SDC4: variants seen among roughly 807,000 people sequenced by gnomAD.
SDC4 encodes the protein syndecan 4.
SDC4 carries 17 observed loss-of-function variants against 20.5 expected under a neutral mutation model. The observed-to-expected ratio is 0.83, with a 90% confidence interval of 0.57 to 1.25. The LOEUF is 1.25. Ranked by LOEUF, SDC4 falls within the 50% of genes most tolerant of loss-of-function variation. The probability of loss-of-function intolerance (pLI) is 0.00; values close to 1 mark genes in which losing one functional copy is unlikely to be tolerated. For synonymous variants in SDC4, 107 were observed against 105.3 expected, an observed-to-expected ratio of 1.02 and a Z score of -0.10; for missense variants, 241 against 252.3, an observed-to-expected ratio of 0.96 and a Z score of 0.30.
At chr20:45,340,405 T>A (rs2145715407) in intron 1 of SDC4, among the ~76,000 whole-genome samples, 2 of 152,298 alleles carry the variant, frequency 1.3e-5, no homozygotes, top group Admixed American at 1.3e-4. Flanking sequence ...AGAGCTGGGA[T>A]TCAAATCCAG....
At chr20:45,345,472 G>A (rs2743390) in intron 1 of SDC4, 1 of 152,104 alleles carries the variant, frequency 6.6e-6, no homozygotes, top group East Asian at 1.9e-4. Context: ...AAATATTTTC[G>A]TGGGTGTTTG....
chr20:45,340,451 C>T (rs1568907966), intron 1 of SDC4, among the ~76,000 whole-genome samples: 1 of 152,220 alleles, frequency 6.6e-6, no homozygotes, highest in Non-Finnish European at 1.5e-5. Flanking sequence ...CACAACTAGG[C>T]TTCTCACTGC....
At chr20:45,345,974 G>A (rs555982998) in intron 1 of SDC4, among the ~76,000 whole-genome samples, 1 of 152,210 alleles carries the variant, frequency 6.6e-6, no homozygotes, top group East Asian at 1.9e-4. Flanking sequence ...AGAGATCCTG[G>A]GGTCCTGGAT....
chr20:45,327,148 C>A lies in SDC4; in HGVS notation c.*116G>T. The A allele has an allele frequency of 2.9e-6, 3 of 1,041,858 alleles. No individual in the cohort carries two copies. Among genetic ancestry groups the A allele is most frequent in the Non-Finnish European group, 4.3e-6 (3 of 692,844 alleles). The allele number at this position is 1,041,858 out of a possible 1,614,324, so 64.5% of individuals were successfully genotyped here. A position where few individuals can be genotyped will look rare whatever the true frequency, so the allele number is the denominator to read the frequency against. ...CTGAACACTTCAAAGGTAATCAGAG[C>A]TGGAGATACTGACAAGTCAGTATTA... is the stretch of plus-strand genomic sequence containing the variant. On this transcript the variant is annotated 3_prime_UTR_variant, in exon 5 of 5. Coordinates refer to ENST00000372733, the MANE Select transcript of SDC4 (RefSeq NM_002999.4).
intron 4 of SDC4, among the ~76,000 whole-genome samples, chr20:45,329,741 T>C (rs546558327): frequency 1.3e-3 from 199 of 151,402 alleles, no homozygotes; most frequent in Admixed American, 2.4e-3. Context: ...TCCATCCCTT[T>C]TGTCAACACC....
At chr20:45,342,136 G>A (rs563274015) in intron 1 of SDC4, among the ~76,000 whole-genome samples, 1 of 152,316 alleles carries the variant, frequency 6.6e-6, no homozygotes, top group African/African-American at 2.4e-5. Context: ...GGGCTAGGGA[G>A]GCTCTCGGGA....
At chr20:45,339,161 T>C (rs1987918482) in intron 1 of SDC4, among the ~76,000 whole-genome samples, 1 of 152,186 alleles carries the variant, frequency 6.6e-6, no homozygotes, top group South Asian at 2.1e-4. Flanking sequence ...CACTCTTTTT[T>C]GTGTAAAGGT....
At chr20:45,336,016 A>C in intron 1 of SDC4, 96 bp from the exon 2 acceptor site, 1 of 1,397,784 alleles carries the variant, frequency 7.2e-7, no homozygotes, top group Non-Finnish European at 9.8e-7. Context: ...AGAAACTAGA[A>C]AGAGACCAGG....
intron 2 of SDC4, 86 bp from the exon 3 acceptor site, chr20:45,333,155 T>C (rs1355498247): frequency 5.0e-6 from 6 of 1,209,374 alleles, no homozygotes; most frequent in Non-Finnish European, 7.4e-6. Flanking sequence ...AGCTCCACCT[T>C]ACAACCAGCT....
chr20:45,342,439 A>G (rs772425756), intron 1 of SDC4, among the ~76,000 whole-genome samples: 86 of 152,328 alleles, frequency 5.6e-4, no homozygotes, highest in Non-Finnish European at 1.2e-3. Flanking sequence ...AGGCCTGGCC[A>G]CTGACTGCTG....
At chr20:45,330,318 A>G in intron 4 of SDC4, 48 bp downstream of exon 4, 1 of 1,557,336 alleles carries the variant, frequency 6.4e-7, no homozygotes, top group Non-Finnish European at 8.8e-7. Context: ...TCCCCCGCTG[A>G]GCCCCATTCC....
At chr20:45,328,598 C>T (rs1167732121) in intron 4 of SDC4, among the ~76,000 whole-genome samples, 1 of 152,158 alleles carries the variant, frequency 6.6e-6, no homozygotes, top group Admixed American at 6.5e-5. Flanking sequence ...GGCCTGTCCA[C>T]TCTGCCAGGT....
chr20:45,348,354 G>A lies in SDC4; in HGVS notation c.31C>T (p.Leu11=). ...TCGGCGACTCCGCCTACGAAGAACA[G>A]CAGCAGCGCGAACAGACGGGCGGGG... MAPARLFALL[L]FFVGGVAESI... is the part of the protein sequence containing the mutation. Residue 11 remains leucine (L), a synonymous_variant, in exon 1 of 5, where the codon CTG becomes TTG. Transcript: ENST00000372733. 1 of 1,592,150 alleles carries A rather than the reference G, an allele frequency of 6.3e-7. No individual in the cohort carries two copies. The highest frequency in any genetic ancestry group is 1.1e-5 in the South Asian group (1 of 87,840).
chr20:45,330,400 G>A lies in SDC4; in HGVS notation c.411C>T (p.Gly137=), dbSNP rs1262239762. The A allele has an allele frequency of 6.2e-7, 1 of 1,614,080 alleles. No individual in the cohort carries two copies. The highest frequency in any genetic ancestry group is 1.7e-5 in the Admixed American group (1 of 60,002). ...CCTCCGTTCTCTCAAAGATGTTGCT[G>A]CCCTGCACAGTGCTGGACATTGACA... The part of the protein sequence containing the change: ...NKVSMSSTVQ[G]SNIFERTEVL... The change falls in exon 4 of 5, where the codon GGC becomes GGT. Residue 137 remains glycine, a synonymous_variant. Transcript: ENST00000372733.
At chr20:45,348,002 G>A (rs556339743) in intron 1 of SDC4, among the ~76,000 whole-genome samples, 1 of 152,130 alleles carries the variant, frequency 6.6e-6, no homozygotes, top group African/African-American at 2.4e-5. Context: ...CCTGCCCCAG[G>A]GTCACCAGGG....
Position 45,348,352 on chromosome 20 carries a change from C to A in SDC4, c.33G>T (p.Leu11=). ...ACTCGGCGACTCCGCCTACGAAGAA[C>A]AGCAGCAGCGCGAACAGACGGGCGG... MAPARLFALL[L]FFVGGVAESI... is the part of the protein sequence containing the mutation. The change falls in exon 1 of 5, where the codon CTG becomes CTT. Residue 11 remains leucine, a synonymous_variant. Coordinates refer to ENST00000372733, the MANE Select transcript of SDC4 (RefSeq NM_002999.4). The A allele has an allele frequency of 6.3e-7, 1 of 1,591,184 alleles. No individual in the cohort carries two copies. The highest frequency in any genetic ancestry group is 8.5e-7 in the Non-Finnish European group (1 of 1,169,802).
intron 1 of SDC4, among the ~76,000 whole-genome samples, chr20:45,346,114 A>G (rs1351353075): frequency 2.0e-5 from 3 of 152,192 alleles, no homozygotes; most frequent in Admixed American, 6.5e-5. Context: ...AAAGTACTCT[A>G]TCACTCCTAA....
At chr20:45,339,385 A>C (rs909951031) in intron 1 of SDC4, among the ~76,000 whole-genome samples, 2 of 152,240 alleles carry the variant, frequency 1.3e-5, no homozygotes, top group Non-Finnish European at 2.9e-5. Context: ...ATACATGCAC[A>C]GGCACCCTCT....
intron 1 of SDC4, among the ~76,000 whole-genome samples, chr20:45,348,082 G>A (rs1051495538): frequency 3.9e-5 from 6 of 152,236 alleles, no homozygotes; most frequent in Non-Finnish European, 8.8e-5. Flanking sequence ...AGCCCGCGGC[G>A]GGGCTGAGGC....
Sources: allele counts gnomAD v4.1 joint callset (sites outside exome capture counted in the v4.1 genomes callset), GRCh38; gene constraint gnomAD v4.1.1; transcripts MANE v1.5; gene names NCBI Gene and HGNC (gene_info 2026-07-23, HGNC 2026-07-21).